EPB41L5: variants seen among roughly 807,000 people sequenced by gnomAD.
The protein encoded by EPB41L5 is erythrocyte membrane protein band 4.1 like 5, also known as band 4.1-like protein 5.
Under a neutral mutation model 106.6 loss-of-function variants are expected in EPB41L5, and 55 were observed. The observed-to-expected ratio is 0.52, with a 90% CI of 0.42 to 0.65. The LOEUF (loss-of-function observed/expected upper bound fraction) is 0.65, where lower values mean the gene tolerates loss of function less well. Among genes scored for constraint, EPB41L5 ranks in the 30% least tolerant of loss-of-function variants. The pLI, the probability that EPB41L5 is intolerant of heterozygous loss-of-function variation, is 0.00. For synonymous variants in EPB41L5, 297 were observed against 306.7 expected (o/e 0.97, Z 0.33); for missense variants, 871 against 882.1 (o/e 0.99, Z 0.16).
chr2:120,076,034 TAAAAG>T, intron 7 of EPB41L5, among the ~76,000 whole-genome samples: 1 of 152,314 alleles, frequency 6.6e-6, no homozygotes, highest in Middle Eastern at 3.4e-3. Flanking sequence ...ACTTTTTCCT[TAAAAG>T]AAATGCAGTT....
chr2:120,106,075 C>A, intron 16 of EPB41L5: 1 of 984,598 alleles, frequency 1.0e-6, no homozygotes, highest in Non-Finnish European at 1.2e-6. Context: ...ATCTTCAGTT[C>A]ATATTGAAAG....
At chr2:120,063,318 G>A (rs1034871237) in intron 3 of EPB41L5, among the ~76,000 whole-genome samples, 3 of 149,972 alleles carry the variant, frequency 2.0e-5, no homozygotes, top group African/African-American at 7.4e-5. Context: ...CTCTAGCCTG[G>A]GCAACAGAGA....
chr2:120,129,904 G>C (rs372697049), intron 17 of EPB41L5, among the ~76,000 whole-genome samples: 1 of 152,132 alleles, frequency 6.6e-6, no homozygotes, highest in Non-Finnish European at 1.5e-5. Context: ...CCAGCACTTC[G>C]GGAGGCCAAG....
intron 16 of EPB41L5, among the ~76,000 whole-genome samples, chr2:120,125,703 T>C (rs989120339): frequency 6.6e-6 from 1 of 152,156 alleles, no homozygotes; most frequent in Non-Finnish European, 1.5e-5. Flanking sequence ...CCTTTTGGGA[T>C]TTTTTTGTCT....
chr2:120,062,533 T>C (rs780448983), intron 3 of EPB41L5, among the ~76,000 whole-genome samples: 15 of 151,956 alleles, frequency 9.9e-5, no homozygotes, highest in Non-Finnish European at 1.8e-4. Flanking sequence ...AGAGAGAGAG[T>C]TTAAAGCTGT....
intron 2 of EPB41L5, among the ~76,000 whole-genome samples, chr2:120,041,274 G>A (rs1169338449): frequency 3.9e-5 from 6 of 152,184 alleles, no homozygotes; most frequent in Admixed American, 1.3e-4. Flanking sequence ...CTGCTTCCAC[G>A]TTCACTGTGT....
At chr2:120,072,241 C>T (rs1019531588) in intron 3 of EPB41L5, among the ~76,000 whole-genome samples, 1 of 152,174 alleles carries the variant, frequency 6.6e-6, no homozygotes, top group East Asian at 1.9e-4. Context: ...GAGATACCAT[C>T]TCACACCAGT....
intron 16 of EPB41L5, among the ~76,000 whole-genome samples, chr2:120,123,409 T>TA (rs397698349): frequency 6.6e-6 from 1 of 151,674 alleles, no homozygotes; most frequent in Non-Finnish European, 1.5e-5. Flanking sequence ...TCACTTGTTT[T>TA]AGAAAGGGCT....
At chr2:120,028,585 G>A (rs1052860323) in intron 2 of EPB41L5, among the ~76,000 whole-genome samples, 3 of 152,100 alleles carry the variant, frequency 2.0e-5, no homozygotes, top group Non-Finnish European at 2.9e-5. Flanking sequence ...ATTTGTTACA[G>A]AAGAAAAAAT....
chr2:120,102,697 T>A (rs1457556633), intron 16 of EPB41L5, among the ~76,000 whole-genome samples: 1 of 152,338 alleles, frequency 6.6e-6, no homozygotes, highest in East Asian at 1.9e-4. Context: ...AATCTACACC[T>A]ACTCCCTGTT....
At chr2:120,079,398 C>A (rs1484522330) in intron 10 of EPB41L5, among the ~76,000 whole-genome samples, 2 of 152,198 alleles carry the variant, frequency 1.3e-5, no homozygotes, top group South Asian at 2.1e-4. Context: ...TTTCTGAATT[C>A]TCTGACTCAG....
At chr2:120,102,137 T>C (rs996480883) in intron 16 of EPB41L5, among the ~76,000 whole-genome samples, 1 of 152,188 alleles carries the variant, frequency 6.6e-6, no homozygotes, top group East Asian at 1.9e-4. Flanking sequence ...TTGCCTATTA[T>C]GTTAATATGG....
rs560822871 is a variant in EPB41L5, at chr2:120,133,263, T to C, written c.1599+1548T>C. Among the ~76,000 whole-genome samples the C allele has an allele frequency of 3.2e-3, 481 of 152,230 alleles. 1 individual carries two copies. The highest frequency in any genetic ancestry group is 4.8e-3 in the Non-Finnish European group (328 of 68,006). ...GCAGGAACACCAAATTAAATAGCTC[T>C]CCATACAAGAAAGCACCTTCATAAG... On this transcript the variant is annotated intron_variant, in intron 18 of 24. Coordinates refer to ENST00000263713, the MANE Select transcript of EPB41L5 (RefSeq NM_020909.4).
chr2:120,055,481 ATTTTTTTTTTT>A (rs34856540), intron 3 of EPB41L5, among the ~76,000 whole-genome samples: 2 of 85,552 alleles, frequency 2.3e-5, no homozygotes, highest in Non-Finnish European at 2.2e-5. Flanking sequence ...TAGGTTTTTA[ATTTTTTTTTTT>A]TTTTTTTTTT....
At chr2:120,173,635 A>G (rs1200362342) in intron 24 of EPB41L5, among the ~76,000 whole-genome samples, 2 of 152,320 alleles carry the variant, frequency 1.3e-5, no homozygotes, top group East Asian at 1.9e-4. Context: ...ACCACTTTCA[A>G]CATTTTAAGT....
At chr2:120,016,745 T>C (rs1227532986) in intron 1 of EPB41L5, among the ~76,000 whole-genome samples, 2 of 152,092 alleles carry the variant, frequency 1.3e-5, no homozygotes, top group South Asian at 2.1e-4. Flanking sequence ...TTGGGAGATA[T>C]TGGTGGAGTT....
At chr2:120,104,585 A>G in intron 16 of EPB41L5, 2 of 999,200 alleles carry the variant, frequency 2.0e-6, no homozygotes, top group Non-Finnish European at 2.4e-6. Flanking sequence ...CCCCCACCAC[A>G]TGCCATCCAA....
At chr2:120,154,520 A>G (rs576031363) in intron 20 of EPB41L5, among the ~76,000 whole-genome samples, 1 of 152,252 alleles carries the variant, frequency 6.6e-6, no homozygotes, top group African/African-American at 2.4e-5. Context: ...TCAAATTAGC[A>G]TCTTATACAG....
chr2:120,059,750 A>C (rs1165149317), intron 3 of EPB41L5, among the ~76,000 whole-genome samples: 2 of 152,028 alleles, frequency 1.3e-5, no homozygotes, highest in Admixed American at 1.3e-4. Context: ...AAAAAAAAAC[A>C]AAAAAAGTCT....
Sources: allele counts gnomAD v4.1 joint callset (sites outside exome capture counted in the v4.1 genomes callset), GRCh38; gene constraint gnomAD v4.1.1; transcripts MANE v1.5; gene names NCBI Gene and HGNC (gene_info 2026-07-23, HGNC 2026-07-21).